The following KIF6 variants were observed in gnomAD, a reference collection of about 807,000 sequenced individuals.
The protein encoded by KIF6 is kinesin family member 6.
Under a neutral mutation model 112.7 loss-of-function variants are expected in KIF6, and 106 were observed. That is an observed-to-expected ratio of 0.94 (90% CI 0.80 to 1.11). The LOEUF (loss-of-function observed/expected upper bound fraction) is 1.11. Among genes scored for constraint, KIF6 ranks in the 50% least tolerant of loss-of-function variants. The pLI is 0.00. For synonymous variants in KIF6, 339 were observed against 339.9 expected, an observed-to-expected ratio of 1.00 and a Z score of 0.03; for missense variants, 929 against 964.0, an observed-to-expected ratio of 0.96 and a Z score of 0.48.
At chr6:39,535,641 T>A in intron 13 of KIF6, among the ~76,000 whole-genome samples, 1 of 152,136 alleles carries the variant, frequency 6.6e-6, no homozygotes, top group East Asian at 1.9e-4. Context: ...ACTGTCAACA[T>A]TAGACAGATC....
chr6:39,612,550 A>G (rs1783272609), intron 6 of KIF6, among the ~76,000 whole-genome samples: 1 of 152,190 alleles, frequency 6.6e-6, no homozygotes, highest in African/African-American at 2.4e-5. Context: ...AACTCAGTTA[A>G]ATTTGAATGT....
intron 3 of KIF6, among the ~76,000 whole-genome samples, chr6:39,704,961 G>A (rs547465520): frequency 8.7e-4 from 133 of 152,306 alleles, no homozygotes; most frequent in African/African-American, 3.1e-3. Context: ...ATATGAAGCC[G>A]GTTCTGGCTT....
At chr6:39,396,407 C>T (rs112475748) in intron 15 of KIF6, among the ~76,000 whole-genome samples, 2 of 152,242 alleles carry the variant, frequency 1.3e-5, no homozygotes, top group East Asian at 1.9e-4. Flanking sequence ...AGGGAGCCAA[C>T]GGGGGCCGAG....
At chr6:39,649,774 AAAAG>A (rs749514848) in intron 3 of KIF6, among the ~76,000 whole-genome samples, 5 of 98,214 alleles carry the variant, frequency 5.1e-5, no homozygotes, top group African/African-American at 2.0e-4. Context: ...AGAAAGAAAG[AAAAG>A]AAACTAAACT....
chr6:39,351,836 C>T (rs1008911120), intron 19 of KIF6, among the ~76,000 whole-genome samples: 2 of 152,208 alleles, frequency 1.3e-5, no homozygotes, highest in Admixed American at 1.3e-4. Context: ...AAGGGCTCAG[C>T]ACAGAGCCAG....
intron 4 of KIF6, among the ~76,000 whole-genome samples, chr6:39,635,193 G>T (rs372048945): frequency 6.6e-6 from 1 of 151,478 alleles, no homozygotes. Context: ...ATTTTTTATT[G>T]GTTCCACATT....
At chr6:39,636,404 C>A (rs1048357864) in intron 4 of KIF6, among the ~76,000 whole-genome samples, 7 of 151,842 alleles carry the variant, frequency 4.6e-5, no homozygotes, top group African/African-American at 1.7e-4. Flanking sequence ...TTTTTTTCAG[C>A]GTAATGCTGA....
At chr6:39,495,467 G>A (rs1373419532) in intron 13 of KIF6, among the ~76,000 whole-genome samples, 2 of 152,128 alleles carry the variant, frequency 1.3e-5, no homozygotes, top group African/African-American at 2.4e-5. Flanking sequence ...TAGGTGAGGC[G>A]ATTGCCATCT....
chr6:39,629,276 T>G (rs1451610105), intron 5 of KIF6, among the ~76,000 whole-genome samples: 1 of 152,132 alleles, frequency 6.6e-6, no homozygotes, highest in African/African-American at 2.4e-5. Context: ...GTGGGATCAT[T>G]CTGCATTCCC....
At chr6:39,707,309 T>C (rs1450513895) in intron 3 of KIF6, among the ~76,000 whole-genome samples, 6 of 152,204 alleles carry the variant, frequency 3.9e-5, no homozygotes. Context: ...CCATGGTATC[T>C]GGACGGAGTA....
chr6:39,714,643 G>A, intron 3 of KIF6, 49 bp downstream of exon 3: 1 of 1,235,730 alleles, frequency 8.1e-7, no homozygotes. Flanking sequence ...AGAATTGAAG[G>A]CAACATGAAA....
chr6:39,381,187 A>G (rs1766900640), intron 16 of KIF6, among the ~76,000 whole-genome samples: 1 of 152,210 alleles, frequency 6.6e-6, no homozygotes, highest in Non-Finnish European at 1.5e-5. Flanking sequence ...TATGCAAAAC[A>G]TATAAGAAAA....
At chr6:39,354,080 C>T in intron 19 of KIF6, 2 of 331,610 alleles carry the variant, frequency 6.0e-6, no homozygotes, top group Non-Finnish European at 1.2e-5. Context: ...TGGACATTTG[C>T]TCCCTCCTGT....
chr6:39,637,805 A>G (rs1178758608), intron 4 of KIF6, among the ~76,000 whole-genome samples: 1 of 152,030 alleles, frequency 6.6e-6, no homozygotes, highest in Non-Finnish European at 1.5e-5. Context: ...AAATATGTTC[A>G]TTTACAAAGA....
intron 3 of KIF6, among the ~76,000 whole-genome samples, chr6:39,655,092 C>A (rs1203964886): frequency 1.3e-5 from 2 of 152,162 alleles, no homozygotes; most frequent in Non-Finnish European, 2.9e-5. Context: ...GTTCCTATTT[C>A]CTCACTTGCT....
chr6:39,519,742 C>A (rs546536473), intron 13 of KIF6, among the ~76,000 whole-genome samples: 1 of 151,510 alleles, frequency 6.6e-6, no homozygotes, highest in Non-Finnish European at 1.5e-5. Flanking sequence ...ACAAGCCAGC[C>A]GGGCGCCGCG....
chr6:39,509,382 T>C (rs1776634265), intron 13 of KIF6, among the ~76,000 whole-genome samples: 1 of 152,184 alleles, frequency 6.6e-6, no homozygotes, highest in Middle Eastern at 3.2e-3. Flanking sequence ...AGAATGAGTT[T>C]GATGAGTTGA....
intron 13 of KIF6, among the ~76,000 whole-genome samples, chr6:39,440,984 A>C (rs1157693359): frequency 6.6e-6 from 1 of 152,196 alleles, no homozygotes; most frequent in Non-Finnish European, 1.5e-5. Context: ...GGGCTATAAC[A>C]GATCTTATAA....
At chr6:39,412,309 G>A (rs1769538634) in intron 15 of KIF6, among the ~76,000 whole-genome samples, 1 of 152,156 alleles carries the variant, frequency 6.6e-6, no homozygotes, top group Non-Finnish European at 1.5e-5. Flanking sequence ...TGCAATTTCA[G>A]TGATACCTGA....
Sources: gnomAD v4.1 joint callset for allele counts (sites outside exome capture counted in the v4.1 genomes callset) on GRCh38, gnomAD v4.1.1 for gene constraint, MANE v1.5 for transcripts, NCBI Gene and HGNC (gene_info 2026-07-23, HGNC 2026-07-21) for gene names.